KLF12: variants seen among roughly 807,000 people sequenced by gnomAD.
The protein encoded by KLF12 is KLF transcription factor 12.
Under a neutral mutation model 37.8 loss-of-function variants are expected in KLF12, and 9 were observed. That is an observed-to-expected ratio of 0.24 (90% CI 0.14 to 0.42). The LOEUF is 0.42. KLF12 is among the 10% of genes least tolerant of loss of function. The pLI is 1.00. For synonymous variants in KLF12, 208 were observed against 202.1 expected (o/e 1.03, Z -0.25); for missense variants, 411 against 516.0 (o/e 0.80, Z 1.97).
chr13:74,021,991 G>A (rs1892852699), intron 1 of KLF12, among the ~76,000 whole-genome samples: 1 of 152,110 alleles, frequency 6.6e-6, no homozygotes, highest in African/African-American at 2.4e-5. Context: ...TAAAGCATGT[G>A]GACAAAGCAA....
intron 1 of KLF12, among the ~76,000 whole-genome samples, chr13:74,109,614 T>C (rs1876860838): frequency 1.3e-5 from 2 of 152,180 alleles, no homozygotes; most frequent in South Asian, 2.1e-4. Context: ...AATTGTAAGA[T>C]GTCCAAAAGC....
intron 1 of KLF12, among the ~76,000 whole-genome samples, chr13:74,082,721 T>A (rs577654559): frequency 6.6e-6 from 1 of 152,290 alleles, no homozygotes; most frequent in Non-Finnish European, 1.5e-5. Flanking sequence ...GTTGTCAGTA[T>A]AACTTTTATC....
At chr13:74,031,155 T>A in intron 1 of KLF12, among the ~76,000 whole-genome samples, 1 of 152,164 alleles carries the variant, frequency 6.6e-6, no homozygotes, top group East Asian at 1.9e-4. Flanking sequence ...AAAGCCCATC[T>A]TTTTGCTCTT....
chr13:73,868,881 G>A (rs968431830), intron 3 of KLF12, among the ~76,000 whole-genome samples: 5 of 152,072 alleles, frequency 3.3e-5, no homozygotes, highest in African/African-American at 1.2e-4. Flanking sequence ...TATGAAGCTG[G>A]CATACTTGTT....
At chr13:74,287,434 C>T in the KLF12 span, among the ~76,000 whole-genome samples, 1 of 149,394 alleles carries the variant, frequency 6.7e-6, no homozygotes, top group Non-Finnish European at 1.5e-5. Flanking sequence ...CCCCAATTTA[C>T]TAAGCTGCTT....
At chr13:73,704,620 T>C (rs1333644378) in intron 7 of KLF12, among the ~76,000 whole-genome samples, 1 of 152,204 alleles carries the variant, frequency 6.6e-6, no homozygotes, top group Non-Finnish European at 1.5e-5. Flanking sequence ...TTGCCTCCTA[T>C]GCACACCAAT....
intron 3 of KLF12, among the ~76,000 whole-genome samples, chr13:73,935,597 G>T (rs1038759733): frequency 1.3e-5 from 2 of 152,070 alleles, no homozygotes; most frequent in African/African-American, 4.8e-5. Flanking sequence ...ACCACATGAT[G>T]CACGAGCTCC....
At chr13:74,018,350 A>G (rs1892754844) in intron 1 of KLF12, among the ~76,000 whole-genome samples, 1 of 152,204 alleles carries the variant, frequency 6.6e-6, no homozygotes, top group Non-Finnish European at 1.5e-5. Context: ...ATTTGCAGTT[A>G]GACAGGAGAA....
chr13:74,096,007 A>G (rs1247083960), intron 1 of KLF12, among the ~76,000 whole-genome samples: 1 of 152,030 alleles, frequency 6.6e-6, no homozygotes, highest in Non-Finnish European at 1.5e-5. Context: ...GATCCCCACC[A>G]TTTTCCATCA....
chr13:74,065,634 G>C (rs1479229863), intron 1 of KLF12, among the ~76,000 whole-genome samples: 1 of 151,958 alleles, frequency 6.6e-6, no homozygotes, highest in African/African-American at 2.4e-5. Context: ...CAGAATCCAG[G>C]GACAGAGGAT....
intron 4 of KLF12, among the ~76,000 whole-genome samples, chr13:73,841,178 T>C (rs981316247): frequency 1.3e-5 from 2 of 152,054 alleles, no homozygotes; most frequent in African/African-American, 4.8e-5. Context: ...ATGTGGTTGG[T>C]ATAAGGTAAA....
At chr13:74,010,149 C>T (rs1892513323) in intron 1 of KLF12, among the ~76,000 whole-genome samples, 1 of 151,958 alleles carries the variant, frequency 6.6e-6, no homozygotes, top group African/African-American at 2.4e-5. Flanking sequence ...TGTCACATGG[C>T]CCAGGCTGGT....
At chr13:73,862,359 T>C (rs1261728167) in intron 3 of KLF12, among the ~76,000 whole-genome samples, 1 of 152,144 alleles carries the variant, frequency 6.6e-6, no homozygotes, top group Non-Finnish European at 1.5e-5. Context: ...ATTTTACAGA[T>C]AGGAAACAGA....
chr13:73,984,905 G>A (rs1198853808), intron 2 of KLF12, among the ~76,000 whole-genome samples: 4 of 152,200 alleles, frequency 2.6e-5, no homozygotes, highest in Admixed American at 6.5e-5. Context: ...CCATCAAGGG[G>A]TGGGGGATAT....
chr13:74,107,697 T>C (rs142080672), intron 1 of KLF12, among the ~76,000 whole-genome samples: 1 of 152,128 alleles, frequency 6.6e-6, no homozygotes, highest in Non-Finnish European at 1.5e-5. Flanking sequence ...ATAAACCACA[T>C]AGCAGAAAGT....
the KLF12 span, among the ~76,000 whole-genome samples, chr13:74,233,181 C>A: frequency 2.6e-5 from 4 of 152,268 alleles, no homozygotes; most frequent in South Asian, 8.3e-4. Flanking sequence ...CCGCGCCTGG[C>A]CTGATCTTAT....
chr13:74,248,746 G>A, the KLF12 span, among the ~76,000 whole-genome samples: 1 of 152,168 alleles, frequency 6.6e-6, no homozygotes, highest in African/African-American at 2.4e-5. Flanking sequence ...TGGGGAGGAA[G>A]CAGACACAAA....
intron 1 of KLF12, among the ~76,000 whole-genome samples, chr13:74,011,123 T>C (rs941783966): frequency 6.6e-6 from 1 of 152,020 alleles, no homozygotes; most frequent in Non-Finnish European, 1.5e-5. Flanking sequence ...CTATGAACTT[T>C]AATCATTCAT....
intron 2 of KLF12, among the ~76,000 whole-genome samples, chr13:73,964,909 A>G (rs1358575257): frequency 1.3e-5 from 2 of 152,226 alleles, no homozygotes; most frequent in Non-Finnish European, 2.9e-5. Context: ...CTAGCCTATG[A>G]CATTCCAAGG....
Sources: gnomAD v4.1 joint callset for allele counts (sites outside exome capture counted in the v4.1 genomes callset) on GRCh38, gnomAD v4.1.1 for gene constraint, MANE v1.5 for transcripts, NCBI Gene and HGNC (gene_info 2026-07-23, HGNC 2026-07-21) for gene names.